The following AGBL4 variants were observed in gnomAD, a reference collection of about 807,000 sequenced individuals.
AGBL4 encodes the protein AGBL carboxypeptidase 4, also known as cytosolic carboxypeptidase 6.
In AGBL4, 58 loss-of-function variants were observed where a neutral mutation model predicts 66.4. That is an observed-to-expected ratio of 0.87 (90% confidence interval 0.71 to 1.09). The LOEUF (loss-of-function observed/expected upper bound fraction) is 1.09. AGBL4 is among the 50% of genes least tolerant of loss of function. The pLI is 0.00. For missense variants in AGBL4, 579 were observed against 631.0 expected (o/e 0.92, Z 0.88); for synonymous variants, 234 against 222.9 (o/e 1.05, Z -0.44).
At chr1:49,336,048 C>G (rs1202659435) in intron 3 of AGBL4, among the ~76,000 whole-genome samples, 1 of 152,008 alleles carries the variant, frequency 6.6e-6, no homozygotes, top group Non-Finnish European at 1.5e-5. Flanking sequence ...GGAATTGGCT[C>G]ACACATTTAT....
intron 1 of AGBL4, among the ~76,000 whole-genome samples, chr1:49,974,004 T>C (rs1436207765): frequency 6.6e-6 from 1 of 152,108 alleles, no homozygotes; most frequent in Non-Finnish European, 1.5e-5. Context: ...TTTATTACTA[T>C]GGCAGCAAAA....
intron 6 of AGBL4, among the ~76,000 whole-genome samples, chr1:48,714,767 C>T (rs550760686): frequency 2.6e-5 from 4 of 152,206 alleles, no homozygotes; most frequent in Admixed American, 1.3e-4. Context: ...GTCCTAGCCC[C>T]GACCACCTGT....
intron 3 of AGBL4, among the ~76,000 whole-genome samples, chr1:49,446,882 T>C (rs948720011): frequency 6.6e-6 from 1 of 152,186 alleles, no homozygotes; most frequent in Non-Finnish European, 1.5e-5. Flanking sequence ...ACCCACAGCC[T>C]CAGGCATGCT....
chr1:49,443,536 T>C (rs2148671604), intron 3 of AGBL4, among the ~76,000 whole-genome samples: 1 of 152,082 alleles, frequency 6.6e-6, no homozygotes, highest in Middle Eastern at 3.4e-3. Context: ...CTTTCCCCAT[T>C]ATAAGCTCTT....
intron 3 of AGBL4, among the ~76,000 whole-genome samples, chr1:49,556,374 T>C (rs66716149): frequency 0.24 from 36,678 of 151,726 alleles, 5,859 homozygotes; most frequent in Middle Eastern, 0.37. Flanking sequence ...CTGGCGCCTG[T>C]CGTGAGGTGG....
rs10588611 is a variant in AGBL4 at position 50,022,614 on chromosome 1, C to CCA, written c.34+1147_34+1148dup. ...GGGGTGTGGTGTGTATGTACCATAA[C>CCA]CACACACACACACACACACACACAC... On this transcript the variant is annotated intron_variant, in intron 1 of 13. Coordinates refer to ENST00000371839, the MANE Select transcript of AGBL4 (RefSeq NM_032785.4). Among the ~76,000 whole-genome samples the CCA allele has an allele frequency of 8.5e-3, 1,199 of 141,274 alleles. 9 individuals carry two copies. The highest frequency in any genetic ancestry group is 0.032 in the Middle Eastern group (9 of 282). 92.7% of individuals were successfully genotyped at this position (141,274 alleles called of 152,430 possible).
intron 4 of AGBL4, among the ~76,000 whole-genome samples, chr1:49,183,684 C>G (rs1646967799): frequency 6.6e-6 from 1 of 152,188 alleles, no homozygotes; most frequent in Non-Finnish European, 1.5e-5. Flanking sequence ...ACATGTTTCA[C>G]TTTTATTTAC....
At chr1:49,533,060 A>G (rs1651264314) in intron 3 of AGBL4, among the ~76,000 whole-genome samples, 1 of 152,240 alleles carries the variant, frequency 6.6e-6, no homozygotes, top group Non-Finnish European at 1.5e-5. Context: ...GTCTGTTTAT[A>G]TGTCTAGAAG....
At chr1:49,270,713 C>A (rs781382747) in intron 3 of AGBL4, among the ~76,000 whole-genome samples, 1 of 152,100 alleles carries the variant, frequency 6.6e-6, no homozygotes, top group African/African-American at 2.4e-5. Context: ...AAAATTACAT[C>A]CTGGGCTTTC....
At chr1:49,304,331 A>G (rs1362232146) in intron 3 of AGBL4, among the ~76,000 whole-genome samples, 1 of 152,166 alleles carries the variant, frequency 6.6e-6, no homozygotes, top group African/African-American at 2.4e-5. Flanking sequence ...GGTCTATGAC[A>G]CATGCACTTT....
chr1:49,790,022 C>T (rs1037137798), intron 2 of AGBL4, among the ~76,000 whole-genome samples: 5 of 152,140 alleles, frequency 3.3e-5, no homozygotes, highest in Admixed American at 6.5e-5. Context: ...TGAGAAATAA[C>T]GCCACACATC....
intron 12 of AGBL4, 98 bp downstream of exon 12, chr1:48,539,544 T>G: frequency 1.1e-6 from 1 of 896,302 alleles, no homozygotes; most frequent in Non-Finnish European, 1.6e-6. Context: ...GCGGCACAGA[T>G]GGGATGCTGA....
chr1:49,781,198 T>C (rs1644328804), intron 2 of AGBL4, among the ~76,000 whole-genome samples: 1 of 152,090 alleles, frequency 6.6e-6, no homozygotes, highest in Non-Finnish European at 1.5e-5. Context: ...GAGACCAGCC[T>C]GGGCAACTCA....
intron 5 of AGBL4, among the ~76,000 whole-genome samples, chr1:49,028,710 A>C (rs956495438): frequency 6.6e-6 from 1 of 152,172 alleles, no homozygotes; most frequent in East Asian, 1.9e-4. Flanking sequence ...ATATGATTCC[A>C]TCAGGCCAGG....
intron 3 of AGBL4, among the ~76,000 whole-genome samples, chr1:49,378,394 T>C (rs1278623381): frequency 6.6e-6 from 1 of 152,140 alleles, no homozygotes; most frequent in East Asian, 1.9e-4. Context: ...GTATAAATAA[T>C]AGTGTCTACC....
At chr1:49,199,969 A>G (rs142486359) in intron 4 of AGBL4, among the ~76,000 whole-genome samples, 1 of 152,220 alleles carries the variant, frequency 6.6e-6, no homozygotes, top group African/African-American at 2.4e-5. Flanking sequence ...TGACTACTTG[A>G]TGCTGGAGGG....
intron 5 of AGBL4, among the ~76,000 whole-genome samples, chr1:48,982,583 T>G (rs1659865271): frequency 6.6e-6 from 1 of 152,346 alleles, no homozygotes; most frequent in South Asian, 2.1e-4. Context: ...TGCCACATTT[T>G]CTTAATCCAG....
rs1209319730 is a variant in AGBL4 at position 49,554,871 on chromosome 1, C to T, written c.282+142442G>A. Among the ~76,000 whole-genome samples the T allele has an allele frequency of 3.9e-5, 6 of 151,970 alleles. No individual in the cohort carries two copies. The East Asian group carries it at 7.7e-4, about 20-fold the overall frequency. ...AGTGTTACAGCTCTTAAAGGCGGCG[C>T]GTCTGGAGTTGTTCGTTCCTTCTGG... On this transcript the variant is annotated intron_variant, in intron 3 of 13. Transcript: ENST00000371839.
chr1:49,478,730 CTT>C (rs922771323), intron 3 of AGBL4, among the ~76,000 whole-genome samples: 2 of 152,140 alleles, frequency 1.3e-5, no homozygotes, highest in African/African-American at 4.8e-5. Context: ...GTAAACCACT[CTT>C]ACGTAGAAAG....
Sources: gnomAD v4.1 joint callset for allele counts (sites outside exome capture counted in the v4.1 genomes callset) on GRCh38, gnomAD v4.1.1 for gene constraint, MANE v1.5 for transcripts, NCBI Gene and HGNC (gene_info 2026-07-23, HGNC 2026-07-21) for gene names.